LGSN: variants seen among roughly 807,000 people sequenced by gnomAD.
The protein encoded by LGSN is lengsin, lens protein with glutamine synthetase domain, also known as lengsin.
A neutral mutation model predicts 19.5 loss-of-function variants in LGSN; 21 were observed. The ratio of observed to expected loss-of-function variants is 1.07; its 90% CI spans 0.76 to 1.55. The LOEUF is 1.55. Among genes scored for constraint, LGSN ranks in the 40% most tolerant of loss-of-function variants. The pLI is 0.00. For synonymous variants in LGSN, 257 were observed against 215.6 expected (o/e 1.19, Z -1.68); for missense variants, 673 against 608.5 (o/e 1.11, Z -1.12).
chr6:63,534,463 A>T, the LGSN span, among the ~76,000 whole-genome samples: 6 of 149,896 alleles, frequency 4.0e-5, no homozygotes, highest in African/African-American at 1.5e-4. Flanking sequence ...ACACACACAC[A>T]CACACACACA....
chr6:63,512,115 C>T, the LGSN span, among the ~76,000 whole-genome samples: 7 of 151,396 alleles, frequency 4.6e-5, no homozygotes, highest in Admixed American at 2.6e-4. Flanking sequence ...CAAAGTCTTG[C>T]TCTGTTGCCC....
At chr6:63,288,392 T>C (rs1247375328) in intron 2 of LGSN, among the ~76,000 whole-genome samples, 6 of 151,460 alleles carry the variant, frequency 4.0e-5, no homozygotes, top group Non-Finnish European at 8.8e-5. Context: ...TATTATGATG[T>C]GGGGCAAGTA....
the LGSN span, among the ~76,000 whole-genome samples, chr6:63,563,949 G>T: frequency 6.6e-6 from 1 of 152,180 alleles, no homozygotes; most frequent in African/African-American, 2.4e-5. Flanking sequence ...TTTACTATGT[G>T]CATTAATATG....
intron 2 of LGSN, among the ~76,000 whole-genome samples, chr6:63,289,640 CTTA>C (rs1767688943): frequency 6.7e-6 from 1 of 150,168 alleles, no homozygotes; most frequent in Non-Finnish European, 1.5e-5. Flanking sequence ...AAAAAAAAAC[CTTA>C]AAGCTCTATA....
chr6:63,568,580 T>A, the LGSN span, among the ~76,000 whole-genome samples: 1 of 151,642 alleles, frequency 6.6e-6, no homozygotes, highest in Non-Finnish European at 1.5e-5. Context: ...CACAGAGACA[T>A]GAAATGAGCA....
chr6:63,472,323 C>T, the LGSN span, among the ~76,000 whole-genome samples: 1 of 151,890 alleles, frequency 6.6e-6, no homozygotes, highest in Admixed American at 6.6e-5. Context: ...ATCAAGATTC[C>T]GAAATTCCTT....
At chr6:63,332,769 G>A in the LGSN span, among the ~76,000 whole-genome samples, 3 of 152,252 alleles carry the variant, frequency 2.0e-5, no homozygotes, top group Admixed American at 6.5e-5. Context: ...TGGTCTCATC[G>A]CTCAGCAATA....
At chr6:63,464,033 T>C in the LGSN span, among the ~76,000 whole-genome samples, 1 of 152,020 alleles carries the variant, frequency 6.6e-6, no homozygotes, top group Non-Finnish European at 1.5e-5. Context: ...GAAGGGAGCA[T>C]AAATGAAAAA....
At chr6:63,387,109 AT>A in the LGSN span, among the ~76,000 whole-genome samples, 1 of 152,174 alleles carries the variant, frequency 6.6e-6, no homozygotes. Flanking sequence ...TCAAAAAAAA[AT>A]AAAAGAAAAA....
the LGSN span, among the ~76,000 whole-genome samples, chr6:63,535,562 C>T: frequency 6.6e-6 from 1 of 152,124 alleles, no homozygotes; most frequent in Non-Finnish European, 1.5e-5. Flanking sequence ...TGGCATTTGC[C>T]AGTTGTACAT....
chr6:63,286,290 A>G (rs75134227), intron 2 of LGSN, among the ~76,000 whole-genome samples: 5,550 of 152,308 alleles, frequency 0.036, 348 homozygotes, highest in African/African-American at 0.13. Flanking sequence ...TCTAAGAAAT[A>G]TACATATTTC....
chr6:63,569,636 GA>G, the LGSN span, among the ~76,000 whole-genome samples: 1 of 152,180 alleles, frequency 6.6e-6, no homozygotes, highest in Non-Finnish European at 1.5e-5. Context: ...ATTGTCAATA[GA>G]AAGCCCTGCC....
the LGSN span, among the ~76,000 whole-genome samples, chr6:63,347,021 C>T: frequency 6.6e-6 from 1 of 152,102 alleles, no homozygotes; most frequent in Admixed American, 6.5e-5. Flanking sequence ...CATTCAGATG[C>T]CCACCAAAAG....
At chr6:63,377,551 G>A in the LGSN span, among the ~76,000 whole-genome samples, 1,303 of 152,230 alleles carry the variant, frequency 8.6e-3, 21 homozygotes, top group African/African-American at 0.03. Flanking sequence ...AACACCTAAC[G>A]TAAACCTAGA....
At chr6:63,379,738 G>A in the LGSN span, among the ~76,000 whole-genome samples, 1 of 152,136 alleles carries the variant, frequency 6.6e-6, no homozygotes, top group Non-Finnish European at 1.5e-5. Flanking sequence ...TCTGGAGTAG[G>A]ATCCATGAAG....
chr6:63,487,093 C>T, the LGSN span, among the ~76,000 whole-genome samples: 2 of 152,140 alleles, frequency 1.3e-5, no homozygotes, highest in Non-Finnish European at 2.9e-5. Context: ...TTTCGGCCTC[C>T]CAAAGTGCTG....
the LGSN span, among the ~76,000 whole-genome samples, chr6:63,401,700 C>T: frequency 6.6e-6 from 1 of 152,104 alleles, no homozygotes; most frequent in Admixed American, 6.6e-5. Context: ...GAAAATTGTA[C>T]CAAGTCTTTC....
the LGSN span, among the ~76,000 whole-genome samples, chr6:63,563,565 A>G: frequency 6.6e-6 from 1 of 152,368 alleles, no homozygotes; most frequent in East Asian, 1.9e-4. Context: ...GATTATAAAT[A>G]TATTCTATGC....
chr6:63,398,166 A>G, the LGSN span, among the ~76,000 whole-genome samples: 1 of 149,532 alleles, frequency 6.7e-6, no homozygotes. Context: ...TATATTTACT[A>G]TACTATATTT....
Sources: gnomAD v4.1 joint callset for allele counts (sites outside exome capture counted in the v4.1 genomes callset) on GRCh38, gnomAD v4.1.1 for gene constraint, MANE v1.5 for transcripts, NCBI Gene and HGNC (gene_info 2026-07-23, HGNC 2026-07-21) for gene names.